Variants in UBE2E1 observed in about 807,000 individuals in gnomAD.
UBE2E1 encodes the protein ubiquitin-conjugating enzyme E2 E1.
UBE2E1 carries 6 observed loss-of-function variants against 21.4 expected under a neutral mutation model. The ratio of observed to expected loss-of-function variants is 0.28; its 90% CI spans 0.15 to 0.55. The LOEUF (loss-of-function observed/expected upper bound fraction) is 0.55. Among genes scored for constraint, UBE2E1 ranks in the 20% least tolerant of loss-of-function variants. The probability of loss-of-function intolerance (pLI) is 0.93; values close to 1 mark genes in which losing one functional copy is unlikely to be tolerated. For missense variants in UBE2E1, 142 were observed against 236.5 expected, an observed-to-expected ratio of 0.60 and a Z score of 2.62; for synonymous variants, 87 against 82.7, an observed-to-expected ratio of 1.05 and a Z score of -0.28.
intron 2 of UBE2E1, among the ~76,000 whole-genome samples, chr3:23,809,161 CTTTTG>C (rs1436248167): frequency 6.6e-6 from 1 of 152,088 alleles, no homozygotes; most frequent in Non-Finnish European, 1.5e-5. Context: ...AACATCAGGG[CTTTTG>C]TTTTGTTTTT....
chr3:23,807,096 C>T (rs544524780), intron 1 of UBE2E1, 141 bp from the exon 2 acceptor site: 7 of 661,398 alleles, frequency 1.1e-5, no homozygotes, highest in African/African-American at 1.8e-5. Context: ...CTTAATGGGC[C>T]TGCAGACTTT....
Position 23,806,515 on chromosome 3 carries a change from C to A in UBE2E1, c.-34+427C>A, listed in dbSNP as rs1314619286. Among the ~76,000 whole-genome samples, 1 of 151,826 alleles carries A rather than the reference C, an allele frequency of 6.6e-6. No homozygotes were observed. The highest frequency in any genetic ancestry group is 1.5e-5 in the Non-Finnish European group (1 of 67,848). On this transcript the variant is annotated intron_variant, in intron 1 of 5. Transcript: ENST00000306627. This position sits in a 1 kb window ranked among gnomAD's most constrained non-coding sequence, Gnocchi z 6.5. ...TCTTCGCTGCGGAGGCCGACCCCCC[C>A]ATTCCCCGCCGCAGCCCCTATCCCC...
At chr3:23,849,654 AG>A (rs750131693) in intron 3 of UBE2E1, among the ~76,000 whole-genome samples, 6 of 152,154 alleles carry the variant, frequency 3.9e-5, no homozygotes, top group Non-Finnish European at 8.8e-5. Context: ...GATGGTTTCC[AG>A]CTTCATCCAT....
intron 3 of UBE2E1, among the ~76,000 whole-genome samples, chr3:23,851,876 A>T (rs999256210): frequency 6.6e-6 from 1 of 152,186 alleles, no homozygotes; most frequent in African/African-American, 2.4e-5. Context: ...TGTGATCCCC[A>T]GCATTGGAGG....
chr3:23,810,717 G>C lies in UBE2E1; in HGVS notation c.153-743G>C. ...GGCGCCGGGAGAGGAGAGCTGGGGC[G>C]GCGCGGAGCAGCCCCCGTGCGGGCA... On this transcript the variant is annotated intron_variant, in intron 2 of 5. Coordinates refer to ENST00000306627, the MANE Select transcript of UBE2E1 (RefSeq NM_003341.5). The surrounding 1 kb of genome is among the most constrained non-coding windows in gnomAD (Gnocchi z 5.8). 2 of 491,092 alleles carry C rather than the reference G, an allele frequency of 4.1e-6. No homozygotes were observed. Among genetic ancestry groups the C allele is most frequent in the Non-Finnish European group, 7.0e-6 (2 of 287,746 alleles). 30.4% of individuals were successfully genotyped at this position (491,092 alleles called of 1,614,324 possible).
chr3:23,869,292 A>G (rs1019339354), intron 3 of UBE2E1, among the ~76,000 whole-genome samples: 1 of 150,290 alleles, frequency 6.7e-6, no homozygotes, highest in Non-Finnish European at 1.5e-5. Context: ...TCAAGATATT[A>G]GCCCTTAATC....
intron 3 of UBE2E1, among the ~76,000 whole-genome samples, chr3:23,859,179 G>A (rs1005711907): frequency 1.3e-5 from 2 of 152,164 alleles, no homozygotes; most frequent in Admixed American, 6.5e-5. Flanking sequence ...GCCTGCCTTT[G>A]CCTGAGGCCA....
intron 4 of UBE2E1, chr3:23,888,272 C>T (rs1701239291): frequency 2.2e-6 from 1 of 457,110 alleles, no homozygotes; most frequent in Non-Finnish European, 4.4e-6. Context: ...GTGAGGATTG[C>T]CCAAGTCACC....
At chr3:23,817,156 G>A (rs562127633) in intron 3 of UBE2E1, among the ~76,000 whole-genome samples, 1 of 152,202 alleles carries the variant, frequency 6.6e-6, no homozygotes, top group East Asian at 1.9e-4. Context: ...AAATGAAAAG[G>A]CACAAGCTGG....
At position 23,863,722 on chromosome 3, in the gene UBE2E1, G is replaced by T. The variant is rs182467122; in HGVS notation, c.204-23845G>T. On this transcript the variant is annotated intron_variant, in intron 3 of 5. Transcript: ENST00000306627. The surrounding 1 kb of genome is among the most constrained non-coding windows in gnomAD (Gnocchi z 4.3). ...ATTTTCTATTTTTAGTAGAGATGGG[G>T]TTTCTCCATGTTGGTCAGGCTGGTC... is the stretch of plus-strand genomic sequence containing the variant. Among the ~76,000 whole-genome samples the T allele has an allele frequency of 6.4e-3, 970 of 152,132 alleles. 7 individuals carry two copies. Among genetic ancestry groups the T allele is most frequent in the Middle Eastern group, 0.01 (3 of 294 alleles).
chr3:23,811,389 C>A, intron 2 of UBE2E1, 71 bp from the exon 3 acceptor site: 1 of 1,443,566 alleles, frequency 6.9e-7, no homozygotes. Flanking sequence ...TGCAGACCTG[C>A]ACGCTACAGG....
intron 3 of UBE2E1, among the ~76,000 whole-genome samples, chr3:23,859,169 G>T (rs1319371044): frequency 6.6e-6 from 1 of 152,098 alleles, no homozygotes; most frequent in Non-Finnish European, 1.5e-5. Flanking sequence ...CTCTAGTTCA[G>T]CCTGCCTTTG....
intron 3 of UBE2E1, among the ~76,000 whole-genome samples, chr3:23,880,386 AAATAAT>A (rs1308689981): frequency 6.6e-6 from 1 of 152,098 alleles, no homozygotes; most frequent in Non-Finnish European, 1.5e-5. Flanking sequence ...TCTGTCTTAA[AAATAAT>A]AATAATGGAT....
intron 3 of UBE2E1, among the ~76,000 whole-genome samples, chr3:23,855,004 C>T (rs538673558): frequency 5.9e-5 from 9 of 151,970 alleles, no homozygotes; most frequent in Non-Finnish European, 1.0e-4. Context: ...ACTTTAGAGC[C>T]GTAATTATTT....
chr3:23,815,247 G>T (rs1042757333), intron 3 of UBE2E1, among the ~76,000 whole-genome samples: 2 of 152,212 alleles, frequency 1.3e-5, no homozygotes, highest in African/African-American at 2.4e-5. Context: ...CTTCCAGAGT[G>T]CTGGGATTAC....
rs141213844 is a variant in UBE2E1 at position 23,865,004 on chromosome 3, G to C, written c.204-22563G>C. 7.0e-4 allele frequency among the ~76,000 whole-genome samples: 107 copies of C among 152,342 alleles called. 2 individuals carry two copies. The highest frequency in any genetic ancestry group is 6.2e-3 in the East Asian group (32 of 5,192). On this transcript the variant is annotated intron_variant, in intron 3 of 5. Transcript: ENST00000306627. ...CTGAAAATAAATTTCAGACTGTCAGGATTTCTCTTTCTGTGTAACAAATTA... is the reference window on the plus strand; with the variant it reads ...CTGAAAATAAATTTCAGACTGTCAGCATTTCTCTTTCTGTGTAACAAATTA...
At chr3:23,845,585 C>CTGTGTGTGTGTGTGTGTGTGTGTG (rs71620797) in intron 3 of UBE2E1, among the ~76,000 whole-genome samples, 77 of 98,052 alleles carry the variant, frequency 7.9e-4, no homozygotes, top group African/African-American at 2.5e-3. Flanking sequence ...CTCTCTCTCT[C>CTGTGTGTGTGTGTGTGTGTGTGTG]TCTCTGTGTG....
chr3:23,875,386 C>T (rs796252562), intron 3 of UBE2E1, among the ~76,000 whole-genome samples: 6 of 152,206 alleles, frequency 3.9e-5, no homozygotes, highest in African/African-American at 9.6e-5. Context: ...GACTTAAATT[C>T]GGATGTACAA....
Position 23,872,874 on chromosome 3 carries a change from G to A in UBE2E1, c.204-14693G>A, listed in dbSNP as rs560815011. ...TCTACTAAAAATACAAAAATTAGTC[G>A]GGCGTGGTGGCGCATGCCTGTAGTC... is the stretch of plus-strand genomic sequence containing the variant. On this transcript the variant is annotated intron_variant, in intron 3 of 5. Transcript: ENST00000306627. Among the ~76,000 whole-genome samples, 209 of 151,924 alleles carry A rather than the reference G, an allele frequency of 1.4e-3. 1 individual carries two copies. Among genetic ancestry groups the A allele is most frequent in the Non-Finnish European group, 2.4e-3 (165 of 67,938 alleles).
Sources: allele counts gnomAD v4.1 joint callset (sites outside exome capture counted in the v4.1 genomes callset), GRCh38; gene constraint gnomAD v4.1.1; non-coding constraint Gnocchi (gnomAD v3.1); transcripts MANE v1.5; gene names NCBI Gene and HGNC (gene_info 2026-07-23, HGNC 2026-07-21).